Variants in DLC1 observed in about 807,000 individuals in gnomAD.
DLC1 encodes DLC1 Rho GTPase activating protein, also known as rho GTPase-activating protein 7.
A neutral mutation model predicts 140.3 loss-of-function variants in DLC1; 54 were observed. The observed-to-expected ratio is 0.38, with a 90% CI of 0.31 to 0.48. The LOEUF (loss-of-function observed/expected upper bound fraction) is 0.48. Ranked by LOEUF, DLC1 falls within the 20% of genes least tolerant of loss-of-function variation. DLC1 has a pLI of 0.96. For missense variants in DLC1, 2,536 were observed against 1,907.0 expected (o/e 1.33, Z -6.14); for synonymous variants, 986 against 728.1 (o/e 1.35, Z -5.70).
chr8:13,253,934 C>T (rs375834156), intron 5 of DLC1, among the ~76,000 whole-genome samples: 4 of 152,264 alleles, frequency 2.6e-5, no homozygotes, highest in African/African-American at 4.8e-5. Flanking sequence ...GACGTCAGGA[C>T]GCAGCCCAGA....
intron 5 of DLC1, among the ~76,000 whole-genome samples, chr8:13,154,296 G>T (rs898434668): frequency 1.3e-5 from 2 of 152,178 alleles, no homozygotes; most frequent in Admixed American, 6.5e-5. Flanking sequence ...AGCCCGCTGC[G>T]GTGGGGGCTC....
chr8:13,431,000 T>A (rs1292458712), intron 2 of DLC1, among the ~76,000 whole-genome samples: 2 of 152,166 alleles, frequency 1.3e-5, no homozygotes, highest in Non-Finnish European at 2.9e-5. Flanking sequence ...CAAATGAGAA[T>A]AATCTATAAA....
chr8:13,118,097 C>T lies in DLC1; in HGVS notation c.1349-2440G>A, dbSNP rs542973424. ...TGATCCTAGCTCACTGCAGCATCGA[C>T]CTTCCGGGCTCAAATGATCCTCCCA... is the stretch of plus-strand genomic sequence containing the variant. On this transcript the variant is annotated intron_variant, in intron 5 of 17. Coordinates refer to ENST00000276297, the MANE Select transcript of DLC1 (RefSeq NM_182643.3). 1.5e-4 allele frequency among the ~76,000 whole-genome samples: 22 copies of T among 149,534 alleles called. 1 individual carries two copies. In the East Asian group the frequency reaches 3.7e-3, roughly 25 times the overall value.
intron 5 of DLC1, among the ~76,000 whole-genome samples, chr8:13,248,892 C>G (rs993451188): frequency 1.3e-5 from 2 of 152,132 alleles, no homozygotes; most frequent in Admixed American, 6.6e-5. Flanking sequence ...CTAATTACCA[C>G]TGTAGAAACT....
chr8:13,587,193 A>C (rs1805352709), intron 1 of DLC1, among the ~76,000 whole-genome samples: 1 of 151,258 alleles, frequency 6.6e-6, no homozygotes, highest in Admixed American at 6.8e-5. Flanking sequence ...AGAATAGATA[A>C]AATTTTGTGA....
intron 5 of DLC1, among the ~76,000 whole-genome samples, chr8:13,229,259 A>G (rs1174864571): frequency 6.6e-6 from 1 of 152,222 alleles, no homozygotes; most frequent in Non-Finnish European, 1.5e-5. Flanking sequence ...GGCAGTACAA[A>G]GAAATACAAT....
At chr8:13,354,276 G>T (rs992045725) in intron 4 of DLC1, among the ~76,000 whole-genome samples, 6 of 152,052 alleles carry the variant, frequency 3.9e-5, no homozygotes, top group Admixed American at 2.6e-4. Flanking sequence ...GCAGAAATTT[G>T]TACTTCTGTC....
At chr8:13,266,006 C>T (rs940806067) in intron 5 of DLC1, among the ~76,000 whole-genome samples, 1 of 152,228 alleles carries the variant, frequency 6.6e-6, no homozygotes, top group South Asian at 2.1e-4. Flanking sequence ...TTATGCGGAG[C>T]CAAAGAGCTT....
chr8:13,175,670 C>T (rs1445840742), intron 5 of DLC1, among the ~76,000 whole-genome samples: 1 of 152,180 alleles, frequency 6.6e-6, no homozygotes, highest in Non-Finnish European at 1.5e-5. Context: ...TGGCATAATA[C>T]AATTAACTAA....
intron 2 of DLC1, among the ~76,000 whole-genome samples, chr8:13,472,049 G>A (rs1455593809): frequency 6.6e-6 from 1 of 152,220 alleles, no homozygotes; most frequent in African/African-American, 2.4e-5. Context: ...TATCAGTTAA[G>A]ATGGAAAATT....
chr8:13,173,494 C>T (rs1825600675), intron 5 of DLC1, among the ~76,000 whole-genome samples: 1 of 151,548 alleles, frequency 6.6e-6, no homozygotes, highest in African/African-American at 2.4e-5. Flanking sequence ...GCCTCAGCCT[C>T]CCGAGTAGCT....
At chr8:13,179,484 T>C (rs1825924969) in intron 5 of DLC1, among the ~76,000 whole-genome samples, 1 of 151,654 alleles carries the variant, frequency 6.6e-6, no homozygotes, top group Admixed American at 6.6e-5. Context: ...ACTTTAGGAG[T>C]CTGAGGCAGA....
At chr8:13,461,435 T>C (rs1488596428) in intron 2 of DLC1, among the ~76,000 whole-genome samples, 1 of 152,204 alleles carries the variant, frequency 6.6e-6, no homozygotes, top group Non-Finnish European at 1.5e-5. Flanking sequence ...TCTCCCTGCC[T>C]GACCCCTTCT....
intron 1 of DLC1, among the ~76,000 whole-genome samples, chr8:13,594,325 C>A (rs868530370): frequency 1.3e-5 from 2 of 152,108 alleles, no homozygotes. Flanking sequence ...CCTTTCAATG[C>A]AGCCTACTTC....
intron 5 of DLC1, among the ~76,000 whole-genome samples, chr8:13,235,659 T>C (rs563262436): frequency 6.6e-6 from 1 of 152,150 alleles, no homozygotes; most frequent in South Asian, 2.1e-4. Flanking sequence ...AGAGCTTTTT[T>C]TTTAGGTGAA....
chr8:13,444,860 C>T (rs568784118), intron 2 of DLC1, among the ~76,000 whole-genome samples: 69 of 151,696 alleles, frequency 4.5e-4, no homozygotes, highest in African/African-American at 1.7e-3. Context: ...TCACTGACTC[C>T]ACAAATTACA....
chr8:13,571,010 C>T (rs911925962), intron 1 of DLC1, among the ~76,000 whole-genome samples: 4 of 152,026 alleles, frequency 2.6e-5, no homozygotes, highest in Admixed American at 6.6e-5. Context: ...GGACATTTAC[C>T]CACCAGAAGT....
intron 1 of DLC1, among the ~76,000 whole-genome samples, chr8:13,539,766 G>T (rs1259193286): frequency 6.6e-6 from 1 of 151,892 alleles, no homozygotes; most frequent in Non-Finnish European, 1.5e-5. Flanking sequence ...GTGTGTGTGT[G>T]TGTGTGTGTG....
intron 2 of DLC1, among the ~76,000 whole-genome samples, chr8:13,453,391 T>G (rs79843234): frequency 0.042 from 2,457 of 57,856 alleles, 250 homozygotes; most frequent in African/African-American, 0.18. Context: ...GCCCAGGATA[T>G]ATATATATAT....
Sources: allele counts gnomAD v4.1 joint callset (sites outside exome capture counted in the v4.1 genomes callset), GRCh38; gene constraint gnomAD v4.1.1; transcripts MANE v1.5; gene names NCBI Gene and HGNC (gene_info 2026-07-23, HGNC 2026-07-21).